The following POLA1 variants were observed in gnomAD, a reference collection of about 807,000 sequenced individuals.
The protein encoded by POLA1 is DNA polymerase alpha 1, catalytic subunit, also known as DNA polymerase alpha catalytic subunit.
In POLA1, 15 loss-of-function variants were observed where a neutral mutation model predicts 124.0. That is an observed-to-expected ratio of 0.12 (90% CI 0.08 to 0.19). The LOEUF (loss-of-function observed/expected upper bound fraction) is 0.19. Among genes scored for constraint, POLA1 ranks in the 10% least tolerant of loss-of-function variants. The pLI, the probability that POLA1 is intolerant of heterozygous loss-of-function variation, is 1.00. For synonymous variants in POLA1, 408 were observed against 389.4 expected, an observed-to-expected ratio of 1.05 and a Z score of -0.56; for missense variants, 886 against 1,103.4, an observed-to-expected ratio of 0.80 and a Z score of 2.79.
At chrX:24,903,518 G>T (rs961395907) in intron 35 of POLA1, among the ~76,000 whole-genome samples, 5 of 111,867 alleles carry the variant, frequency 4.5e-5, no homozygotes, top group Non-Finnish European at 7.5e-5. Context: ...CTTGAATATG[G>T]GGAACTAAGC....
intron 10 of POLA1, among the ~76,000 whole-genome samples, chrX:24,721,344 C>T (rs183495518): frequency 9.8e-5 from 11 of 111,817 alleles, no homozygotes; most frequent in Admixed American, 4.7e-4. Flanking sequence ...GTTCTGGTTC[C>T]GTGGTACTTC....
intron 26 of POLA1, chrX:24,788,456 T>G (rs753002084): frequency 1.4e-4 from 163 of 1,195,107 alleles, no homozygotes; most frequent in Non-Finnish European, 1.8e-4. Context: ...AGTGATCTGC[T>G]CCTCCAGCAT....
At chrX:24,879,676 CTTGCTT>C (rs1307711868) in intron 34 of POLA1, among the ~76,000 whole-genome samples, 2 of 111,621 alleles carry the variant, frequency 1.8e-5, no homozygotes, top group Admixed American at 9.5e-5. Context: ...AGGAATGTAG[CTTGCTT>C]TTGAGTTGGA....
chrX:24,769,321 G>C (rs2044977901), intron 26 of POLA1, among the ~76,000 whole-genome samples: 1 of 111,486 alleles, frequency 9.0e-6, no homozygotes, highest in African/African-American at 3.3e-5. Flanking sequence ...CTATTTACAG[G>C]TTGGTAATGG....
Position 24,727,876 on chromosome X carries a change from G to C in POLA1, c.1626G>C (p.Pro542=). 6 of 1,208,960 alleles carry C rather than the reference G, an allele frequency of 5.0e-6. No individual in the cohort carries two copies. Among genetic ancestry groups the C allele is most frequent in the Non-Finnish European group, 6.7e-6 (6 of 892,899 alleles). The change falls in exon 15 of 37, where the codon CCG becomes CCC. Residue 542 remains proline, a synonymous_variant. Transcript: ENST00000379068. ...VNVIKDVSPP[P]LVVMAFSMKT... is the part of the protein sequence containing the mutation. ...TAATTAAGGATGTCAGTCCACCACCGCTTGTCGTGATGGCTTTCAGCATGA... is the reference window on the plus strand; with the variant it reads ...TAATTAAGGATGTCAGTCCACCACCCCTTGTCGTGATGGCTTTCAGCATGA...
chrX:24,790,449 C>A (rs2045469283), intron 26 of POLA1, among the ~76,000 whole-genome samples: 1 of 111,417 alleles, frequency 9.0e-6, no homozygotes, highest in African/African-American at 3.3e-5. Flanking sequence ...TGCTTTGAGA[C>A]ATTTCCCCTC....
Position 24,965,525 on chromosome X carries a change from C to G in POLA1, c.4262-30280C>G, listed in dbSNP as rs190331331. 2.7e-5 allele frequency among the ~76,000 whole-genome samples: 3 copies of G among 111,828 alleles called. No homozygotes were observed. In the South Asian group the frequency reaches 1.1e-3, roughly 43 times the overall value. On this transcript the variant is annotated intron_variant, in intron 36 of 36. Coordinates refer to ENST00000379068, the MANE Select transcript of POLA1 (RefSeq NM_001330360.2). The stretch of plus-strand genomic sequence containing the variant: ...ATCCTTGTGTTGCTAAGCACTAAAT[C>G]CAACAGTGTGTCTGATGGTGGCTGA...
At chrX:24,699,329 G>T (rs751763429) in intron 1 of POLA1, 96 bp from the exon 2 acceptor site, 4 of 625,942 alleles carry the variant, frequency 6.4e-6, no homozygotes, top group South Asian at 4.6e-5. Context: ...TACTAAAATT[G>T]TATGTTATTG....
intron 26 of POLA1, among the ~76,000 whole-genome samples, chrX:24,792,863 T>C (rs2045529133): frequency 1.8e-5 from 2 of 111,820 alleles, no homozygotes; most frequent in African/African-American, 3.3e-5. Context: ...TCTTCTACTA[T>C]TTTTCATTCT....
Position 24,735,480 on chromosome X carries a change from A to G in POLA1, c.1915A>G (p.Ile639Val). ...LAKVHKIDPDIIVGHNIYGFE... is the reference protein window; with the variant it reads ...LAKVHKIDPDVIVGHNIYGFE... ...AAAAGTTCACAAAATTGATCCTGAT[A>G]TCATTGTGGTGAGTAGATGTTTGAT... Residue 639 changes from isoleucine to valine, a missense_variant, in exon 18 of 37, where the codon ATC becomes GTC. Physicochemically the swap from Ile to Val is conservative, Grantham distance 29. Around this residue, in one of 7 missense-constraint regions of POLA1, gnomAD observed 182 missense variants for 252.8 expected, o/e 0.72. Coordinates refer to ENST00000379068, the MANE Select transcript of POLA1 (RefSeq NM_001330360.2). 3 of 1,133,130 alleles carry G rather than the reference A, an allele frequency of 2.6e-6. No homozygotes were observed. The highest frequency in any genetic ancestry group is 3.6e-6 in the Non-Finnish European group (3 of 823,848). The allele number at this position is 1,133,130 out of a possible 1,213,427, so 93.4% of individuals were successfully genotyped here.
chrX:24,697,443 G>T (rs1928092966), intron 1 of POLA1, among the ~76,000 whole-genome samples: 1 of 111,762 alleles, frequency 8.9e-6, no homozygotes, highest in Admixed American at 9.5e-5. Context: ...AGTTTTTGTG[G>T]CTGTCATCAT....
chrX:24,827,790 GGACTCCGT>G (rs1175760329), intron 32 of POLA1, among the ~76,000 whole-genome samples: 1 of 112,057 alleles, frequency 8.9e-6, no homozygotes, highest in African/African-American at 3.2e-5. Flanking sequence ...GGCAAAGGAA[GGACTCCGT>G]GAGTGGTAGC....
chrX:24,709,141 C>T (rs1296195157), intron 4 of POLA1, among the ~76,000 whole-genome samples: 1 of 71,865 alleles, frequency 1.4e-5, no homozygotes, highest in African/African-American at 5.6e-5. Flanking sequence ...TAGGGGCGGC[C>T]GGGCAGAGGC....
chrX:24,857,063 A>G (rs1032614620), intron 34 of POLA1, among the ~76,000 whole-genome samples: 6 of 111,649 alleles, frequency 5.4e-5, no homozygotes, highest in African/African-American at 2.0e-4. Context: ...TAAGAACTCA[A>G]ATATTATCTA....
intron 26 of POLA1, among the ~76,000 whole-genome samples, chrX:24,756,729 T>G (rs887615676): frequency 5.2e-4 from 58 of 111,399 alleles, no homozygotes; most frequent in African/African-American, 1.8e-3. Flanking sequence ...TGCATAGCAT[T>G]TAAGAGACTC....
intron 36 of POLA1, among the ~76,000 whole-genome samples, chrX:24,941,660 T>C (rs780680636): frequency 3.6e-4 from 41 of 112,687 alleles, no homozygotes; most frequent in Non-Finnish European, 6.4e-4. Flanking sequence ...TAGTTCTTCC[T>C]GTAGTTGTCA....
intron 26 of POLA1, among the ~76,000 whole-genome samples, chrX:24,780,350 C>A (rs905764540): frequency 8.9e-5 from 10 of 112,483 alleles, no homozygotes; most frequent in African/African-American, 2.6e-4. Flanking sequence ...GTGGTGAGAT[C>A]AAAAATACTT....
intron 26 of POLA1, among the ~76,000 whole-genome samples, chrX:24,793,325 G>C (rs1183398524): frequency 9.5e-6 from 1 of 104,895 alleles, no homozygotes; most frequent in Non-Finnish European, 1.9e-5. Context: ...TTTTCAAAAG[G>C]TGTTGCTTTG....
intron 26 of POLA1, among the ~76,000 whole-genome samples, chrX:24,798,266 T>C (rs777889645): frequency 4.5e-5 from 5 of 111,465 alleles, no homozygotes; most frequent in Non-Finnish European, 9.4e-5. Context: ...GATTGATAAA[T>C]GGGAATATGT....
Sources: allele counts gnomAD v4.1 joint callset (sites outside exome capture counted in the v4.1 genomes callset), GRCh38; gene constraint gnomAD v4.1.1; regional missense constraint gnomAD v4.1.1; transcripts MANE v1.5; gene names NCBI Gene and HGNC (gene_info 2026-07-23, HGNC 2026-07-21).